The following PCDH15 variants were observed in gnomAD, a reference collection of about 807,000 sequenced individuals.
The protein encoded by PCDH15 is protocadherin related 15.
In PCDH15, 129 loss-of-function variants were observed where a neutral mutation model predicts 178.5. That is an observed-to-expected ratio of 0.72 (90% CI 0.63 to 0.84). PCDH15 has a LOEUF of 0.84. Among genes scored for constraint, PCDH15 ranks in the 40% least tolerant of loss-of-function variants. PCDH15 has a pLI of 0.00. For synonymous variants in PCDH15, 800 were observed against 732.0 expected (o/e 1.09, Z -1.50); for missense variants, 2,230 against 2,099.9 (o/e 1.06, Z -1.21).
intron 3 of PCDH15, among the ~76,000 whole-genome samples, chr10:54,503,701 G>T (rs1354013306): frequency 6.6e-6 from 1 of 151,880 alleles, no homozygotes. Context: ...TGTAATACTT[G>T]ACATTGAAAG....
intron 2 of PCDH15, among the ~76,000 whole-genome samples, chr10:55,444,979 C>T (rs1311352155): frequency 6.6e-6 from 1 of 151,880 alleles, no homozygotes; most frequent in Non-Finnish European, 1.5e-5. Context: ...CATACTGATT[C>T]TATAGATTCA....
At chr10:53,826,391 T>C (rs926176347) in intron 32 of PCDH15, among the ~76,000 whole-genome samples, 6 of 151,788 alleles carry the variant, frequency 4.0e-5, no homozygotes, top group African/African-American at 1.5e-4. Context: ...AAAACCAGCT[T>C]TTCCATTACC....
intron 2 of PCDH15, among the ~76,000 whole-genome samples, chr10:55,423,513 T>C (rs183079451): frequency 7.6e-4 from 115 of 152,110 alleles, no homozygotes; most frequent in Non-Finnish European, 1.0e-3. Context: ...ATGCCTATAG[T>C]CACACTAAGA....
intron 2 of PCDH15, among the ~76,000 whole-genome samples, chr10:54,932,401 T>C (rs1837801938): frequency 6.6e-6 from 1 of 152,232 alleles, no homozygotes; most frequent in Non-Finnish European, 1.5e-5. Flanking sequence ...TGTACAGCTG[T>C]ATGATGTGTT....
chr10:54,811,626 A>G (rs929845594), intron 3 of PCDH15, among the ~76,000 whole-genome samples: 1 of 151,938 alleles, frequency 6.6e-6, no homozygotes, highest in Non-Finnish European at 1.5e-5. Context: ...ATGCGCCACG[A>G]CGCCCCGCAA....
chr10:54,183,413 G>C (rs1747414460), intron 13 of PCDH15, 31 bp downstream of exon 13: 1 of 1,576,582 alleles, frequency 6.3e-7, no homozygotes, highest in Non-Finnish European at 8.7e-7. Context: ...TAACAGCTTT[G>C]AGTGTACACT....
chr10:54,821,064 C>T (rs1953029726), intron 3 of PCDH15, among the ~76,000 whole-genome samples: 1 of 151,994 alleles, frequency 6.6e-6, no homozygotes, highest in African/African-American at 2.4e-5. Flanking sequence ...TCTACTTACC[C>T]AGTCTTGATT....
intron 2 of PCDH15, among the ~76,000 whole-genome samples, chr10:54,985,809 A>G (rs902111973): frequency 1.3e-5 from 2 of 152,218 alleles, no homozygotes; most frequent in African/African-American, 4.8e-5. Flanking sequence ...GATCATACCT[A>G]TGTCTCACAT....
chr10:54,810,106 A>T (rs897892653), intron 3 of PCDH15, among the ~76,000 whole-genome samples: 2 of 152,124 alleles, frequency 1.3e-5, no homozygotes, highest in African/African-American at 4.8e-5. Flanking sequence ...TGCTCCCCCC[A>T]AAAATGAATG....
chr10:54,604,790 GT>G, intron 2 of PCDH15, among the ~76,000 whole-genome samples: 1 of 150,942 alleles, frequency 6.6e-6, no homozygotes, highest in African/African-American at 2.4e-5. Context: ...ACTGACTGCT[GT>G]TTTTCTTGTT....
intron 21 of PCDH15, among the ~76,000 whole-genome samples, chr10:53,973,598 T>A (rs745500939): frequency 1.3e-5 from 2 of 152,172 alleles, no homozygotes; most frequent in Non-Finnish European, 2.9e-5. Flanking sequence ...TACTGACCAG[T>A]AAATTACTTT....
chr10:55,022,058 G>A (rs1315921154), intron 2 of PCDH15, among the ~76,000 whole-genome samples: 2 of 152,080 alleles, frequency 1.3e-5, no homozygotes, highest in African/African-American at 2.4e-5. Context: ...GGAATGGGAA[G>A]GTGTTGGTCA....
chr10:55,100,460 C>A lies in PCDH15; in HGVS notation c.-80+66116G>T, dbSNP rs189073118. Among the ~76,000 whole-genome samples, 8 of 152,150 alleles carry A rather than the reference C, an allele frequency of 5.3e-5. No individual in the cohort carries two copies. The East Asian group carries it at 7.7e-4, about 15-fold the overall frequency. On this transcript the variant is annotated intron_variant, in intron 2 of 5. Transcript: ENST00000458638. ...CTATAAAGAAATACTTGAACCTGGG[C>A]AATTTGTAAAGTAAAAAAGTGTATT...
chr10:54,202,748 G>A (rs2050367777), intron 10 of PCDH15, among the ~76,000 whole-genome samples: 2 of 147,126 alleles, frequency 1.4e-5, no homozygotes, highest in Non-Finnish European at 3.0e-5. Flanking sequence ...GGAGGCAGAG[G>A]TTGCAGTGAG....
rs574201492 is a variant in PCDH15, at chr10:54,238,608, A to G, written c.877-1677T>C. On this transcript the variant is annotated intron_variant, in intron 8 of 37. Coordinates refer to ENST00000644397, the MANE Select transcript of PCDH15 (RefSeq NM_001384140.1). ...TCAAAATTACTCCATTAAATCCAGA[A>G]GATTATTGTTCTTAAAACGCAACTC... Among the ~76,000 whole-genome samples the G allele has an allele frequency of 2.0e-5, 3 of 151,332 alleles. No homozygotes were observed. In the South Asian group the frequency reaches 6.3e-4, roughly 32 times the overall value.
chr10:55,576,925 A>C (rs543781000), intron 2 of PCDH15, among the ~76,000 whole-genome samples: 1 of 152,320 alleles, frequency 6.6e-6, no homozygotes, highest in South Asian at 2.1e-4. Flanking sequence ...AATATATTTT[A>C]CTACAAAAAT....
intron 15 of PCDH15, among the ~76,000 whole-genome samples, chr10:54,118,212 T>C (rs1387828861): frequency 2.0e-5 from 3 of 152,080 alleles, no homozygotes; most frequent in Non-Finnish European, 2.9e-5. Flanking sequence ...TAATGGAATA[T>C]ATTGGAGAAC....
rs534812898 is a variant in PCDH15, at chr10:55,406,074, A to G, written c.-156+221551T>C. 6.6e-5 allele frequency among the ~76,000 whole-genome samples: 10 copies of G among 151,566 alleles called. No individual in the cohort carries two copies. In the East Asian group the frequency reaches 1.5e-3, roughly 23 times the overall value. ...TTGGCAGCATGTTCCCATCTAAAAA[A>G]AAAAAGGCATAAAGCAGCAGAGTAC... On this transcript the variant is annotated intron_variant, in intron 2 of 5. Coordinates refer to the PCDH15 transcript ENST00000613346.
intron 1 of PCDH15, among the ~76,000 whole-genome samples, chr10:55,227,866 C>A (rs1474075097): frequency 1.3e-5 from 2 of 152,170 alleles, no homozygotes; most frequent in East Asian, 3.9e-4. Flanking sequence ...TCAATCCTCA[C>A]CTTATACAGT....
Sources: gnomAD v4.1 joint callset for allele counts (sites outside exome capture counted in the v4.1 genomes callset) on GRCh38, gnomAD v4.1.1 for gene constraint, MANE v1.5 for transcripts, NCBI Gene and HGNC (gene_info 2026-07-23, HGNC 2026-07-21) for gene names.